The following DDHD1 variants were observed in gnomAD, a reference collection of about 807,000 sequenced individuals.
DDHD1 encodes the protein DDHD domain containing 1, also known as phospholipase DDHD1.
In DDHD1, 49 loss-of-function variants were observed where a neutral mutation model predicts 96.4. That is an observed-to-expected ratio of 0.51 (90% confidence interval 0.40 to 0.64). The LOEUF is 0.64. Ranked by LOEUF, DDHD1 falls within the 30% of genes least tolerant of loss-of-function variation. The probability of loss-of-function intolerance (pLI) is 0.00; values close to 1 mark genes in which losing one functional copy is unlikely to be tolerated. For missense variants in DDHD1, 1,106 were observed against 1,161.2 expected (o/e 0.95, Z 0.69); for synonymous variants, 442 against 446.5 (o/e 0.99, Z 0.13).
chr14:53,153,240 A>C lies in DDHD1; in HGVS notation c.-142T>G, dbSNP rs1891606532. Reference sequence around the variant, plus strand: ...GACCCGAGCTGCGGCGGCAGCGGCGACCGCTCCGCCCCCACGAGACCCGCA... The same window carrying C: ...GACCCGAGCTGCGGCGGCAGCGGCGCCCGCTCCGCCCCCACGAGACCCGCA... On this transcript the variant is annotated 5_prime_UTR_variant, in exon 1 of 13. Transcript: ENST00000673822. 1 of 707,850 alleles carries C rather than the reference A, an allele frequency of 1.4e-6. No homozygotes were observed. Among genetic ancestry groups the C allele is most frequent in the Non-Finnish European group, 2.0e-6 (1 of 489,956 alleles). 43.8% of individuals were successfully genotyped at this position (707,850 alleles called of 1,614,324 possible). A position where few individuals can be genotyped will look rare whatever the true frequency, so the allele number is the denominator to read the frequency against.
intron 2 of DDHD1, 161 bp downstream of exon 2, chr14:53,103,522 G>GTAGT: frequency 1.8e-6 from 1 of 563,646 alleles, no homozygotes; most frequent in South Asian, 3.0e-5. Flanking sequence ...GATATTTATA[G>GTAGT]TAGTTAATTT....
intron 2 of DDHD1, among the ~76,000 whole-genome samples, chr14:53,097,987 T>C (rs1184626200): frequency 1.3e-5 from 2 of 152,022 alleles, no homozygotes; most frequent in Non-Finnish European, 2.9e-5. Context: ...TTTGCTTTAT[T>C]TATTACACAT....
rs1881750867 is a variant in DDHD1 at position 53,042,895 on chromosome 14, TAC to T, written c.*3871_*3872del. On this transcript the variant is annotated 3_prime_UTR_variant, in exon 13 of 13. Coordinates refer to ENST00000673822, the MANE Select transcript of DDHD1 (RefSeq NM_001160148.2). ...CGTGTTTTTAGAAGAGCAATTTTAA[TAC>T]ATACACTCAAATTAGTTTTCTCGAT... 2 of 152,258 alleles carry T rather than the reference TAC, an allele frequency of 1.3e-5. No individual in the cohort carries two copies. The highest frequency in any genetic ancestry group is 4.1e-4 in the South Asian group (2 of 4,836). The allele number at this position is 152,258 out of a possible 1,614,324, so 9.4% of individuals were successfully genotyped here. A position where few individuals can be genotyped will look rare whatever the true frequency, so the allele number is the denominator to read the frequency against.
At chr14:53,103,485 T>C in intron 2 of DDHD1, 198 bp downstream of exon 2, 1 of 483,206 alleles carries the variant, frequency 2.1e-6, no homozygotes, top group Non-Finnish European at 3.6e-6. Context: ...TTACCATACA[T>C]ATTAAAATAA....
chr14:53,143,932 C>T (rs115886521), intron 1 of DDHD1, among the ~76,000 whole-genome samples: 114 of 152,282 alleles, frequency 7.5e-4, no homozygotes, highest in African/African-American at 2.6e-3. Flanking sequence ...TTACTTTTTA[C>T]AGGGCTCAAC....
Position 53,055,766 on chromosome 14 carries a change from T to C in DDHD1, c.2139A>G (p.Ser713=). The part of the protein sequence containing the change: ...LNPAKEPTSV[S]ENEGISTIPS... ...GTATGGTTGAAATGCCTTCATTCTC[T>C]GAAACTGAGGTAGGTTCTTTAGCTG... Residue 713 remains serine (S), a synonymous_variant, in exon 10 of 13, where the codon TCA becomes TCG. Transcript: ENST00000673822. 5.6e-6 allele frequency: 9 copies of C among 1,614,176 alleles called. No individual in the cohort carries two copies. Among genetic ancestry groups the C allele is most frequent in the Non-Finnish European group, 7.6e-6 (9 of 1,180,024 alleles).
chr14:53,059,015 GAATAA>G (rs1240577920), intron 8 of DDHD1, among the ~76,000 whole-genome samples: 1 of 152,140 alleles, frequency 6.6e-6, no homozygotes, highest in Non-Finnish European at 1.5e-5. Context: ...GGGGAAAGCA[GAATAA>G]AATACGTGCA....
chr14:53,062,901 T>A (rs767640274), intron 7 of DDHD1, 42 bp downstream of exon 7: 149 of 1,594,166 alleles, frequency 9.3e-5, no homozygotes, highest in Non-Finnish European at 1.2e-4. Flanking sequence ...AGTAATTCCA[T>A]AAAGACATTT....
intron 4 of DDHD1, among the ~76,000 whole-genome samples, chr14:53,075,455 T>C (rs1884872923): frequency 6.6e-6 from 1 of 152,120 alleles, no homozygotes; most frequent in Non-Finnish European, 1.5e-5. Flanking sequence ...TCTAAAAGAC[T>C]GAGAGGGGCA....
intron 1 of DDHD1, among the ~76,000 whole-genome samples, chr14:53,124,221 G>A (rs1299407414): frequency 7.0e-6 from 1 of 143,614 alleles, no homozygotes; most frequent in Non-Finnish European, 1.5e-5. Context: ...GGCGACAAGA[G>A]TGAAACTCTG....
chr14:53,097,479 C>G (rs1180441671), intron 2 of DDHD1, among the ~76,000 whole-genome samples: 1 of 151,954 alleles, frequency 6.6e-6, no homozygotes, highest in African/African-American at 2.4e-5. Context: ...GAAAATGTTT[C>G]TTCTTTCATG....
chr14:53,109,087 G>A (rs1015943966), intron 1 of DDHD1, among the ~76,000 whole-genome samples: 5 of 152,128 alleles, frequency 3.3e-5, no homozygotes, highest in Non-Finnish European at 7.4e-5. Context: ...ACGGTGTTAC[G>A]GTGGAGTTGT....
intron 1 of DDHD1, among the ~76,000 whole-genome samples, chr14:53,111,270 C>G (rs1888082944): frequency 6.6e-6 from 1 of 152,214 alleles, no homozygotes; most frequent in Non-Finnish European, 1.5e-5. Flanking sequence ...TATTAATGCA[C>G]TGTTGCCATC....
In DDHD1 at chr14:53,045,102, T is replaced by C. The variant is rs1881918092; in HGVS notation, c.*1666A>G. 1 of 152,250 alleles carries C rather than the reference T, an allele frequency of 6.6e-6. No homozygotes were observed. The highest frequency in any genetic ancestry group is 6.5e-5 in the Admixed American group (1 of 15,288). 9.4% of individuals were successfully genotyped at this position (152,250 alleles called of 1,614,324 possible). A position where few individuals can be genotyped will look rare whatever the true frequency, so the allele number is the denominator to read the frequency against. ...CAGGGAAACACCGGCTTCATGGTCA[T>C]TTCTCTGAATTATGAATTGCAACTT... On this transcript the variant is annotated 3_prime_UTR_variant, in exon 13 of 13. Coordinates refer to ENST00000673822, the MANE Select transcript of DDHD1 (RefSeq NM_001160148.2).
At chr14:53,079,079 T>A (rs1369587625) in intron 4 of DDHD1, among the ~76,000 whole-genome samples, 1 of 152,144 alleles carries the variant, frequency 6.6e-6, no homozygotes, top group Non-Finnish European at 1.5e-5. Context: ...TATATAACCA[T>A]TTATATATGG....
intron 7 of DDHD1, 112 bp from the exon 8 acceptor site, chr14:53,061,313 A>G (rs1285411206): frequency 4.0e-6 from 3 of 753,232 alleles, no homozygotes; most frequent in Non-Finnish European, 6.0e-6. Flanking sequence ...ACTATCCCTC[A>G]CATTAATCCT....
At position 53,093,296 on chromosome 14, in the gene DDHD1, T is replaced by G. The variant is rs1383141238; in HGVS notation, c.1141+20A>C. The G allele has an allele frequency of 3.1e-6, 5 of 1,598,924 alleles. No individual in the cohort carries two copies. In the East Asian group the frequency reaches 1.1e-4, roughly 36 times the overall value. On this transcript the variant is annotated intron_variant, in intron 3 of 12. Coordinates refer to ENST00000673822, the MANE Select transcript of DDHD1 (RefSeq NM_001160148.2). ...AGATTCCCAAAATTTTGATAAGCTC[T>G]AGTAATATTTAACAATTACCTTTAG... is the stretch of plus-strand genomic sequence containing the variant.
rs955856086 is a variant in DDHD1 at position 53,042,230 on chromosome 14, C to T, written c.*4538G>A. 1 of 152,214 alleles carries T rather than the reference C, an allele frequency of 6.6e-6. No individual in the cohort carries two copies. Among genetic ancestry groups the T allele is most frequent in the Non-Finnish European group, 1.5e-5 (1 of 68,038 alleles). The allele number at this position is 152,214 out of a possible 1,614,324, so 9.4% of individuals were successfully genotyped here. A position where few individuals can be genotyped will look rare whatever the true frequency, so the allele number is the denominator to read the frequency against. On this transcript the variant is annotated 3_prime_UTR_variant, in exon 13 of 13. Coordinates refer to ENST00000673822, the MANE Select transcript of DDHD1 (RefSeq NM_001160148.2). ...CACAGAGCATTTAGTGTAGCAAAGG[C>T]TCTCAAAGCCCTGCTGTAAGGGAGA... is the stretch of plus-strand genomic sequence containing the variant.
Position 53,038,025 on chromosome 14 carries a change from C to T in DDHD1, c.*8743G>A, listed in dbSNP as rs1272227990. 6.6e-6 allele frequency: 1 copy of T among 151,972 alleles called. No homozygotes were observed. The highest frequency in any genetic ancestry group is 2.4e-5 in the African/African-American group (1 of 41,394). The allele number at this position is 151,972 out of a possible 1,614,324, so 9.4% of individuals were successfully genotyped here. A position where few individuals can be genotyped will look rare whatever the true frequency, so the allele number is the denominator to read the frequency against. On this transcript the variant is annotated 3_prime_UTR_variant, in exon 13 of 13. Coordinates refer to ENST00000673822, the MANE Select transcript of DDHD1 (RefSeq NM_001160148.2). Reference sequence around the variant, plus strand: ...CCTCATGATAAAACCCCTCAACAGACTAGGTATCAAAGGAACATATCTCAA... The same window carrying T: ...CCTCATGATAAAACCCCTCAACAGATTAGGTATCAAAGGAACATATCTCAA...
Sources: allele counts gnomAD v4.1 joint callset (sites outside exome capture counted in the v4.1 genomes callset), GRCh38; gene constraint gnomAD v4.1.1; transcripts MANE v1.5; gene names NCBI Gene and HGNC (gene_info 2026-07-23, HGNC 2026-07-21).